CACNA1H: variants seen among roughly 807,000 people sequenced by gnomAD.
CACNA1H encodes the protein voltage-dependent T-type calcium channel subunit alpha-1H.
CACNA1H carries 149 observed loss-of-function variants against 192.5 expected under a neutral mutation model. The ratio of observed to expected loss-of-function variants is 0.77; its 90% CI spans 0.68 to 0.89. The LOEUF (loss-of-function observed/expected upper bound fraction) is 0.89, where lower values mean the gene tolerates loss of function less well. Among genes scored for constraint, CACNA1H ranks in the 40% least tolerant of loss-of-function variants. The pLI is 0.00. For missense variants in CACNA1H, 4,257 were observed against 3,423.5 expected (o/e 1.24, Z -6.08); for synonymous variants, 2,202 against 1,475.2 (o/e 1.49, Z -11.29).
Position 1,207,816 on chromosome 16 carries a change from A to C in CACNA1H, c.3110A>C (p.His1037Pro), listed in dbSNP as rs752799249. ...ACGGACGAGGACAAGACGTCGGTCC[A>C]CTTCGAGGAGGACTTCCACAAGCTC... ...SDTDEDKTSV[H>P]FEEDFHKLRE... The change falls in exon 15 of 35, where the codon CAC becomes CCC. Residue 1037 changes from histidine (H) to proline (P), a missense_variant. Transcript: ENST00000348261. 4 of 1,602,814 alleles carry C rather than the reference A, an allele frequency of 2.5e-6. No individual in the cohort carries two copies. The highest frequency in any genetic ancestry group is 2.2e-5 in the South Asian group (2 of 88,950).
At chr16:1,176,883 C>T (rs186292011) in intron 2 of CACNA1H, among the ~76,000 whole-genome samples, 1 of 152,140 alleles carries the variant, frequency 6.6e-6, no homozygotes, top group Non-Finnish European at 1.5e-5. Flanking sequence ...GATGATGTGG[C>T]TTTCTGAGGG....
chr16:1,174,894 C>A (rs954755805), intron 2 of CACNA1H, among the ~76,000 whole-genome samples: 1 of 152,034 alleles, frequency 6.6e-6, no homozygotes, highest in African/African-American at 2.4e-5. Context: ...GGCAGGGGGC[C>A]GGCGGGAGGC....
At chr16:1,192,291 G>T (rs1379409843) in intron 2 of CACNA1H, among the ~76,000 whole-genome samples, 1 of 152,234 alleles carries the variant, frequency 6.6e-6, no homozygotes, top group African/African-American at 2.4e-5. Flanking sequence ...CTGGCCTGGG[G>T]ACCCCTAGTC....
chr16:1,212,261 G>A, intron 25 of CACNA1H, 123 bp downstream of exon 25: 1 of 1,368,952 alleles, frequency 7.3e-7, no homozygotes, highest in Non-Finnish European at 9.7e-7. Flanking sequence ...CGCCTTGCCT[G>A]GGCCTGCATG....
intron 5 of CACNA1H, among the ~76,000 whole-genome samples, chr16:1,196,234 G>A (rs1966953380): frequency 6.6e-6 from 1 of 152,266 alleles, no homozygotes; most frequent in African/African-American, 2.4e-5. Flanking sequence ...CGGTGTGGTG[G>A]GCAGTCAGCA....
intron 2 of CACNA1H, 125 bp from the exon 3 acceptor site, chr16:1,194,847 C>T (rs1273700688): frequency 4.2e-6 from 3 of 709,860 alleles, no homozygotes; most frequent in Non-Finnish European, 7.5e-6. Context: ...TCCCCCACCC[C>T]ATCCTGGACA....
intron 3 of CACNA1H, among the ~76,000 whole-genome samples, 167 bp from the exon 4 acceptor site, chr16:1,195,265 G>A (rs1028536293): frequency 6.8e-6 from 1 of 147,442 alleles, no homozygotes; most frequent in Non-Finnish European, 1.5e-5. Context: ...CAGGGCGAGA[G>A]GCGAGGTTCA....
chr16:1,221,044 C>T lies in CACNA1H; in HGVS notation c.*50C>T, dbSNP rs770633204. ...CTTTGGCCCTGGGGTCTGGGGGCCC[C>T]GCTGGGGTGGAGGCCCAGGCAGAAC... On this transcript the variant is annotated 3_prime_UTR_variant, in exon 35 of 35. Coordinates refer to ENST00000348261, the MANE Select transcript of CACNA1H (RefSeq NM_021098.3). The T allele has an allele frequency of 2.4e-5, 34 of 1,426,608 alleles. No individual in the cohort carries two copies. The highest frequency in any genetic ancestry group is 1.2e-4 in the African/African-American group (8 of 69,212). 88.4% of individuals were successfully genotyped at this position (1,426,608 alleles called of 1,614,324 possible).
chr16:1,217,887 C>T lies in CACNA1H; in HGVS notation c.5324-32C>T, dbSNP rs374274667. 1.5e-4 allele frequency: 229 copies of T among 1,573,080 alleles called. 1 individual carries two copies. The highest frequency in any genetic ancestry group is 4.9e-4 in the South Asian group (42 of 86,220). ...GTCCCGCCTCCACCCGGAGCGGGCT[C>T]GGCTGACCGGGCGGGGTCTCCCTCC... On this transcript the variant is annotated intron_variant, in intron 31 of 34. Transcript: ENST00000348261.
rs762112120 is a variant in CACNA1H, at chr16:1,198,766, C to T, written c.795C>T (p.Ala265=). 5.0e-6 allele frequency: 8 copies of T among 1,610,944 alleles called. No individual in the cohort carries two copies. Among genetic ancestry groups the T allele is most frequent in the Non-Finnish European group, 5.9e-6 (7 of 1,179,034 alleles). The change falls in exon 6 of 35, where the codon GCC becomes GCT. Residue 265 remains alanine, a synonymous_variant. Transcript: ENST00000348261. ...LLRNRCFLDS[A]FVRNNNLTFL... Reference sequence around the variant, plus strand: ...GGAACCGCTGCTTCCTGGACAGTGCCTTTGTCAGGTGCCCAGGCCCCACCC... The same window carrying T: ...GGAACCGCTGCTTCCTGGACAGTGCTTTTGTCAGGTGCCCAGGCCCCACCC...
At chr16:1,187,137 A>C (rs915001825) in intron 2 of CACNA1H, among the ~76,000 whole-genome samples, 1 of 152,238 alleles carries the variant, frequency 6.6e-6, no homozygotes, top group Non-Finnish European at 1.5e-5. Flanking sequence ...CGGTGAATAC[A>C]CATAGGTCGT....
rs970406044 is a variant in CACNA1H at position 1,154,045 on chromosome 16, C to T, written c.299+9C>T. On this transcript the variant is annotated intron_variant, in intron 2 of 34. Coordinates refer to ENST00000348261, the MANE Select transcript of CACNA1H (RefSeq NM_021098.3). ...CGGCTGGTCTGCAACCCATATCCTT[C>T]CCGGCCGGCGGGGGGCGGGGGGCGG... 5 of 1,232,784 alleles carry T rather than the reference C, an allele frequency of 4.1e-6. No homozygotes were observed. Among genetic ancestry groups the T allele is most frequent in the South Asian group, 2.5e-5 (1 of 39,538 alleles). The allele number at this position is 1,232,784 out of a possible 1,614,324, so 76.4% of individuals were successfully genotyped here.
Position 1,202,104 on chromosome 16 carries a change from C to T in CACNA1H, c.1654C>T (p.Arg552Ter), listed in dbSNP as rs1050602820. ...EPGACDTRLV[R>*]AGAPPSPPSP... Reference sequence around the variant, plus strand: ...AGGCGCCTGCGACACCAGGCTGGTCCGAGCTGGCGCGCCCCCCTCGCCACC... The same window carrying T: ...AGGCGCCTGCGACACCAGGCTGGTCTGAGCTGGCGCGCCCCCCTCGCCACC... Residue 552 changes from arginine (R) to a stop codon, truncating the protein, a stop_gained, in exon 9 of 35, where the codon CGA becomes TGA. Transcript: ENST00000348261. LOFTEE classifies it high-confidence loss of function. 6 of 1,545,174 alleles carry T rather than the reference C, an allele frequency of 3.9e-6. No homozygotes were observed. Among genetic ancestry groups the T allele is most frequent in the African/African-American group, 1.4e-5 (1 of 73,000 alleles).
chr16:1,212,958 C>A (rs1226019739), intron 26 of CACNA1H, among the ~76,000 whole-genome samples: 3 of 152,252 alleles, frequency 2.0e-5, no homozygotes, highest in Non-Finnish European at 4.4e-5. Context: ...GGCCCTGGGC[C>A]AGCAGTCCCC....
chr16:1,210,333 G>GCCCCCCCCCCCCC, intron 18 of CACNA1H, 37 bp from the exon 19 acceptor site: 2 of 1,320,232 alleles, frequency 1.5e-6, no homozygotes, highest in East Asian at 2.5e-5. Flanking sequence ...CATCCACGCC[G>GCCCCCCCCCCCCC]CCCCGCCCCA....
chr16:1,204,581 G>T (rs1238906434), intron 10 of CACNA1H, 123 bp downstream of exon 10: 4 of 729,410 alleles, frequency 5.5e-6, no homozygotes, highest in Non-Finnish European at 8.8e-6. Context: ...CAGGGCTCTA[G>T]AAAGCCGGGG....
intron 2 of CACNA1H, among the ~76,000 whole-genome samples, chr16:1,184,960 GTGT>G (rs1299362982): frequency 3.9e-5 from 6 of 152,148 alleles, no homozygotes; most frequent in African/African-American, 1.4e-4. Flanking sequence ...AGCGACCTTC[GTGT>G]TGTTGAACCA....
intron 2 of CACNA1H, among the ~76,000 whole-genome samples, chr16:1,176,818 C>T (rs1333685928): frequency 6.6e-6 from 1 of 152,176 alleles, no homozygotes; most frequent in African/African-American, 2.4e-5. Flanking sequence ...TCCTGCCTCC[C>T]CTCGGCCCTT....
chr16:1,155,950 G>T (rs1299250366), intron 2 of CACNA1H, among the ~76,000 whole-genome samples: 1 of 152,002 alleles, frequency 6.6e-6, no homozygotes. Context: ...GTATGCTCTG[G>T]TAGCCCGAGA....
Sources: allele counts gnomAD v4.1 joint callset (sites outside exome capture counted in the v4.1 genomes callset), GRCh38; gene constraint gnomAD v4.1.1; transcripts MANE v1.5; gene names NCBI Gene and HGNC (gene_info 2026-07-23, HGNC 2026-07-21).